NR6A1: variants seen among roughly 807,000 people sequenced by gnomAD.
The protein encoded by NR6A1 is nuclear receptor subfamily 6 group A member 1.
In NR6A1, 7 loss-of-function variants were observed where a neutral mutation model predicts 59.1. The ratio of observed to expected loss-of-function variants is 0.12; its 90% CI spans 0.07 to 0.22. The LOEUF is 0.22. NR6A1 is among the 10% of genes least tolerant of loss of function. The pLI, the probability that NR6A1 is intolerant of heterozygous loss-of-function variation, is 1.00. For synonymous variants in NR6A1, 243 were observed against 236.1 expected (o/e 1.03, Z -0.27); for missense variants, 468 against 611.6 (o/e 0.77, Z 2.48).
At chr9:124,680,758 T>C (rs1838125353) in intron 2 of NR6A1, among the ~76,000 whole-genome samples, 1 of 152,218 alleles carries the variant, frequency 6.6e-6, no homozygotes, top group South Asian at 2.1e-4. Flanking sequence ...GTTCTCAAAG[T>C]ATGGCCCACA....
intron 8 of NR6A1, among the ~76,000 whole-genome samples, chr9:124,525,151 G>C (rs1832896782): frequency 6.6e-6 from 1 of 152,056 alleles, no homozygotes; most frequent in South Asian, 2.1e-4. Context: ...AACAACCAGA[G>C]AATACCAGTA....
intron 2 of NR6A1, among the ~76,000 whole-genome samples, chr9:124,612,367 G>A (rs959023520): frequency 6.6e-5 from 10 of 152,128 alleles, no homozygotes; most frequent in Non-Finnish European, 1.3e-4. Flanking sequence ...AATCAGTGTG[G>A]AAAGCAGAGA....
intron 2 of NR6A1, among the ~76,000 whole-genome samples, chr9:124,672,186 T>C (rs751265394): frequency 1.3e-5 from 2 of 152,208 alleles, no homozygotes; most frequent in Non-Finnish European, 2.9e-5. Context: ...TCTCCCACAC[T>C]TATTTGTCCA....
chr9:124,583,678 G>A (rs571953091), intron 2 of NR6A1, among the ~76,000 whole-genome samples: 1 of 152,154 alleles, frequency 6.6e-6, no homozygotes, highest in South Asian at 2.1e-4. Flanking sequence ...CGGCATACTC[G>A]GTCAGGTTGT....
intron 3 of NR6A1, among the ~76,000 whole-genome samples, chr9:124,553,298 C>G (rs1324081737): frequency 1.3e-5 from 2 of 152,162 alleles, no homozygotes; most frequent in African/African-American, 4.8e-5. Flanking sequence ...TAAGCTCTCT[C>G]TGTGGGTGAT....
In NR6A1 at chr9:124,621,483, T is replaced by TAAAAAAAAAA. The variant is rs11366819; in HGVS notation, c.143-66923_143-66914dup. On this transcript the variant is annotated intron_variant, in intron 2 of 9. Transcript: ENST00000487099. ...GAAACACAGTGAGACCCAATATCTT[T>TAAAAAAAAAA]AAAAAAAAAAAAAAAGAATGAGTGG... Among the ~76,000 whole-genome samples the TAAAAAAAAAA allele has an allele frequency of 4.7e-4, 67 of 143,502 alleles. 1 individual carries two copies. The South Asian group carries it at 0.015, about 31-fold the overall frequency. 94.1% of individuals were successfully genotyped at this position (143,502 alleles called of 152,430 possible). A position where few individuals can be genotyped will look rare whatever the true frequency, so the allele number is the denominator to read the frequency against.
Position 124,534,095 on chromosome 9 carries a change from G to A in NR6A1, c.1079+1783C>T, listed in dbSNP as rs559372458. On this transcript the variant is annotated intron_variant, in intron 7 of 9. Transcript: ENST00000487099. ...GACTTTTTTTTTTTTTTTTTGAGAC[G>A]GAGTTTCGCTCTTGTCGCCCAGGCT... Among the ~76,000 whole-genome samples the A allele has an allele frequency of 1.9e-4, 27 of 144,010 alleles. No individual in the cohort carries two copies. In the South Asian group the frequency reaches 3.1e-3, roughly 16 times the overall value. The allele number at this position is 144,010 out of a possible 152,430, so 94.5% of individuals were successfully genotyped here.
At position 124,644,426 on chromosome 9, in the gene NR6A1, A is replaced by G. The variant is rs2480118; in HGVS notation, c.142+88882T>C. ...GCCACTACCCCGGCTAACTTTTTGT[A>G]TTTTTAGTAGAGACAGGGTTTCACC... On this transcript the variant is annotated intron_variant, in intron 2 of 9. Transcript: ENST00000487099. Among the ~76,000 whole-genome samples, 4 of 151,640 alleles carry G rather than the reference A, an allele frequency of 2.6e-5. No individual in the cohort carries two copies. In the East Asian group the frequency reaches 7.8e-4, roughly 30 times the overall value.
At chr9:124,616,402 C>CAAA (rs71372978) in intron 2 of NR6A1, among the ~76,000 whole-genome samples, 5 of 68,294 alleles carry the variant, frequency 7.3e-5, no homozygotes, top group South Asian at 5.0e-4. Context: ...GACTCCATCT[C>CAAA]AAAAAAAAAA....
chr9:124,558,476 G>A (rs1833989356), intron 2 of NR6A1, among the ~76,000 whole-genome samples: 2 of 152,000 alleles, frequency 1.3e-5, no homozygotes, highest in Admixed American at 1.3e-4. Context: ...GATCAATCTA[G>A]TAGCCCTTCA....
At position 124,558,302 on chromosome 9, in the gene NR6A1, A is replaced by T. The variant is rs951071926; in HGVS notation, c.143-3732T>A. Among the ~76,000 whole-genome samples, 37 of 152,164 alleles carry T rather than the reference A, an allele frequency of 2.4e-4. 1 individual carries two copies. The highest frequency in any genetic ancestry group is 2.9e-4 in the Non-Finnish European group (20 of 68,022). ...CACTGAGATCAAAGACTAAAGGGCC[A>T]TATTTCTTTAAGGAGCCTGAAGCCC... On this transcript the variant is annotated intron_variant, in intron 2 of 9. Coordinates refer to ENST00000487099, the MANE Select transcript of NR6A1 (RefSeq NM_033334.4).
intron 2 of NR6A1, among the ~76,000 whole-genome samples, chr9:124,706,235 A>G (rs960378177): frequency 1.3e-5 from 2 of 152,184 alleles, no homozygotes; most frequent in African/African-American, 4.8e-5. Flanking sequence ...TTATTGCCAT[A>G]TATGTTATAA....
At chr9:124,619,890 C>T (rs1364525043) in intron 2 of NR6A1, among the ~76,000 whole-genome samples, 1 of 151,954 alleles carries the variant, frequency 6.6e-6, no homozygotes, top group Non-Finnish European at 1.5e-5. Context: ...GGTGAAACCC[C>T]GTCTCTACTA....
chr9:124,644,762 T>C (rs181438502), intron 2 of NR6A1, among the ~76,000 whole-genome samples: 7 of 152,286 alleles, frequency 4.6e-5, no homozygotes, highest in South Asian at 4.1e-4. Context: ...TAAGACTGCA[T>C]CCCTGCCCTT....
At chr9:124,608,066 AT>A (rs1308117010) in intron 2 of NR6A1, among the ~76,000 whole-genome samples, 2 of 152,188 alleles carry the variant, frequency 1.3e-5, no homozygotes, top group African/African-American at 2.4e-5. Context: ...TCTCAAAAAA[AT>A]AAATAAAAAA....
At chr9:124,548,418 G>A (rs1833667630) in intron 3 of NR6A1, among the ~76,000 whole-genome samples, 1 of 152,174 alleles carries the variant, frequency 6.6e-6, no homozygotes. Context: ...GTTTAGCTCA[G>A]CTGAACTTGA....
chr9:124,656,051 G>A (rs1001001212), intron 2 of NR6A1, among the ~76,000 whole-genome samples: 1 of 152,190 alleles, frequency 6.6e-6, no homozygotes, highest in Non-Finnish European at 1.5e-5. Flanking sequence ...GATCCCTCAT[G>A]AATGTCTTGG....
At chr9:124,551,106 A>G (rs959426281) in intron 3 of NR6A1, among the ~76,000 whole-genome samples, 33 of 151,962 alleles carry the variant, frequency 2.2e-4, no homozygotes, top group Non-Finnish European at 3.7e-4. Flanking sequence ...GGATCATTTT[A>G]TATTTCCCCT....
At chr9:124,764,167 G>C (rs1457169058) in intron 1 of NR6A1, among the ~76,000 whole-genome samples, 2 of 150,260 alleles carry the variant, frequency 1.3e-5, no homozygotes. Context: ...CTGGGCAACA[G>C]AGTGAGACTC....
Sources: allele counts gnomAD v4.1 joint callset (sites outside exome capture counted in the v4.1 genomes callset), GRCh38; gene constraint gnomAD v4.1.1; transcripts MANE v1.5; gene names NCBI Gene and HGNC (gene_info 2026-07-23, HGNC 2026-07-21).